SLC44A5: variants seen among roughly 807,000 people sequenced by gnomAD.
The protein encoded by SLC44A5 is solute carrier family 44 member 5.
SLC44A5 carries 57 observed loss-of-function variants against 101.8 expected under a neutral mutation model. The observed-to-expected ratio is 0.56, with a 90% CI of 0.45 to 0.70. The LOEUF is 0.70. Ranked by LOEUF, SLC44A5 falls within the 30% of genes least tolerant of loss-of-function variation. The probability of loss-of-function intolerance (pLI) is 0.00; values close to 1 mark genes in which losing one functional copy is unlikely to be tolerated. For missense variants in SLC44A5, 737 were observed against 853.1 expected (o/e 0.86, Z 1.70); for synonymous variants, 281 against 290.9 (o/e 0.97, Z 0.35).
the SLC44A5 span, among the ~76,000 whole-genome samples, chr1:75,687,656 G>T: frequency 6.6e-6 from 1 of 152,134 alleles, no homozygotes; most frequent in Non-Finnish European, 1.5e-5. Flanking sequence ...AAACCTATAA[G>T]AATAGAAGCC....
intron 14 of SLC44A5, among the ~76,000 whole-genome samples, chr1:75,221,429 G>C (rs531533593): frequency 1.6e-4 from 25 of 152,070 alleles, no homozygotes; most frequent in Admixed American, 1.4e-3. Context: ...ATTATCTCTT[G>C]GCATGAATTT....
intron 18 of SLC44A5, among the ~76,000 whole-genome samples, chr1:75,217,118 A>G (rs1164872922): frequency 6.6e-6 from 1 of 151,816 alleles, no homozygotes; most frequent in Non-Finnish European, 1.5e-5. Context: ...TTTTTAGTTA[A>G]TTTTTGTATG....
At position 75,440,573 on chromosome 1, in the gene SLC44A5, A is replaced by G. The variant is rs575560297; in HGVS notation, c.14-43952T>C. Among the ~76,000 whole-genome samples, 7 of 152,216 alleles carry G rather than the reference A, an allele frequency of 4.6e-5. No homozygotes were observed. In the East Asian group the frequency reaches 1.4e-3, roughly 29 times the overall value. The stretch of plus-strand genomic sequence containing the variant: ...TTTACTCTGAGTGAAATGAAAAGCT[A>G]TTAGAGGGTTTTGATCAGAGCCATC... On this transcript the variant is annotated intron_variant, in intron 2 of 23. Transcript: ENST00000370859.
At chr1:75,653,429 C>A in the SLC44A5 span, among the ~76,000 whole-genome samples, 1 of 152,118 alleles carries the variant, frequency 6.6e-6, no homozygotes, top group South Asian at 2.1e-4. Context: ...TTGTAGTGAG[C>A]CAAGATTGCC....
At chr1:75,395,851 A>C (rs569420581) in intron 3 of SLC44A5, among the ~76,000 whole-genome samples, 40 of 152,320 alleles carry the variant, frequency 2.6e-4, no homozygotes, top group African/African-American at 9.4e-4. Flanking sequence ...CATTCTCACC[A>C]CATATATAAT....
intron 4 of SLC44A5, among the ~76,000 whole-genome samples, chr1:75,325,699 T>C (rs1357582089): frequency 1.3e-5 from 2 of 152,094 alleles, no homozygotes; most frequent in East Asian, 3.9e-4. Context: ...TAGGTATGTA[T>C]GTATAGGAAA....
chr1:75,696,746 A>C, the SLC44A5 span, among the ~76,000 whole-genome samples: 1 of 85,400 alleles, frequency 1.2e-5, no homozygotes, highest in Non-Finnish European at 3.0e-5. Context: ...ATTGAAAGAA[A>C]AAAAAAATTA....
intron 23 of SLC44A5, chr1:75,205,021 T>C (rs1234261151): frequency 6.6e-6 from 1 of 152,232 alleles, no homozygotes; most frequent in Non-Finnish European, 1.5e-5. Flanking sequence ...ATCTGCATTA[T>C]GCTTCAAGGA....
chr1:75,715,965 C>A, the SLC44A5 span, among the ~76,000 whole-genome samples: 1 of 150,934 alleles, frequency 6.6e-6, no homozygotes, highest in Non-Finnish European at 1.5e-5. Flanking sequence ...AATTAACAAG[C>A]AAAAAGCAAA....
intron 3 of SLC44A5, among the ~76,000 whole-genome samples, chr1:75,369,040 T>TCTCA (rs2101156989): frequency 6.6e-6 from 1 of 152,060 alleles, no homozygotes; most frequent in African/African-American, 2.4e-5. Flanking sequence ...AAAGACAGGT[T>TCTCA]CTCACTCTGT....
intron 2 of SLC44A5, among the ~76,000 whole-genome samples, chr1:75,520,917 G>A (rs967301775): frequency 6.6e-6 from 1 of 151,958 alleles, no homozygotes; most frequent in African/African-American, 2.4e-5. Flanking sequence ...ACTGTCATAT[G>A]TTCAAGTTTG....
At chr1:75,530,277 T>C (rs1364407634) in intron 2 of SLC44A5, among the ~76,000 whole-genome samples, 1 of 152,134 alleles carries the variant, frequency 6.6e-6, no homozygotes, top group Non-Finnish European at 1.5e-5. Flanking sequence ...CTCCTCTTAA[T>C]ATCAAGAGTA....
chr1:75,293,428 T>C (rs1653721223), intron 5 of SLC44A5, among the ~76,000 whole-genome samples: 1 of 152,184 alleles, frequency 6.6e-6, no homozygotes, highest in Admixed American at 6.6e-5. Flanking sequence ...GGGGAGGCAT[T>C]CCCTAAACAC....
chr1:75,457,213 G>A (rs2799052), intron 2 of SLC44A5, among the ~76,000 whole-genome samples: 89,010 of 151,986 alleles, frequency 0.59, 26,836 homozygotes, highest in East Asian at 0.97. Context: ...TTTAAAGAAA[G>A]AAAAGCTTTA....
At chr1:75,597,153 ACTCCAGCC>A (rs1365598351) in intron 1 of SLC44A5, among the ~76,000 whole-genome samples, 1 of 148,070 alleles carries the variant, frequency 6.8e-6, no homozygotes, top group Admixed American at 6.9e-5. Context: ...ATGCCACTGC[ACTCCAGCC>A]TGGGCAATAG....
At chr1:75,278,708 G>A (rs1409674619) in intron 5 of SLC44A5, among the ~76,000 whole-genome samples, 1 of 152,162 alleles carries the variant, frequency 6.6e-6, no homozygotes, top group Non-Finnish European at 1.5e-5. Flanking sequence ...TAGAATCACT[G>A]TGAATGTAGC....
intron 2 of SLC44A5, among the ~76,000 whole-genome samples, chr1:75,477,774 G>T (rs1419463196): frequency 6.6e-6 from 1 of 152,168 alleles, no homozygotes; most frequent in Non-Finnish European, 1.5e-5. Flanking sequence ...ATCTACGTCT[G>T]ACTGGTGTAC....
intron 1 of SLC44A5, among the ~76,000 whole-genome samples, chr1:75,607,162 T>A (rs1452534080): frequency 6.6e-6 from 1 of 152,090 alleles, no homozygotes; most frequent in African/African-American, 2.4e-5. Context: ...CTTCTGATCC[T>A]TCCCCATAAA....
At chr1:75,320,940 G>A (rs781565381) in intron 4 of SLC44A5, among the ~76,000 whole-genome samples, 8 of 152,160 alleles carry the variant, frequency 5.3e-5, no homozygotes, top group Admixed American at 2.0e-4. Flanking sequence ...AGGACTCTAA[G>A]CAAGTGTGCT....
Sources: allele counts gnomAD v4.1 joint callset (sites outside exome capture counted in the v4.1 genomes callset), GRCh38; gene constraint gnomAD v4.1.1; transcripts MANE v1.5; gene names NCBI Gene and HGNC (gene_info 2026-07-23, HGNC 2026-07-21).